The following RARB variants were observed in gnomAD, a reference collection of about 807,000 sequenced individuals.
RARB encodes the protein retinoic acid receptor beta, also known as HBV-activated protein.
RARB carries 17 observed loss-of-function variants against 51.9 expected under a neutral mutation model. That is an observed-to-expected ratio of 0.33 (90% CI 0.22 to 0.49). The LOEUF is 0.49. Among genes scored for constraint, RARB ranks in the 20% least tolerant of loss-of-function variants. RARB has a pLI of 0.99. For missense variants in RARB, 369 were observed against 550.8 expected (o/e 0.67, Z 3.30); for synonymous variants, 215 against 195.4 (o/e 1.10, Z -0.84).
chr3:24,900,309 T>C (rs1015182915), intron 2 of RARB, among the ~76,000 whole-genome samples: 2 of 152,220 alleles, frequency 1.3e-5, no homozygotes, highest in Non-Finnish European at 2.9e-5. Context: ...GGATAAACTA[T>C]TACAGTTTGT....
At position 24,956,575 on chromosome 3, in the gene RARB, C is replaced by T. The variant is rs541032295; in HGVS notation, c.-380+97823C>T. Among the ~76,000 whole-genome samples, 9 of 152,208 alleles carry T rather than the reference C, an allele frequency of 5.9e-5. No individual in the cohort carries two copies. The East Asian group carries it at 1.2e-3, about 20-fold the overall frequency. ...AAGCTGTGTGTCTCTTGTTATAATC[C>T]CAGACACATTTGTGGCTTGAAACTG... is the stretch of plus-strand genomic sequence containing the variant. On this transcript the variant is annotated intron_variant, in intron 2 of 11. Coordinates refer to the RARB transcript ENST00000383772.
intron 5 of RARB, among the ~76,000 whole-genome samples, chr3:25,402,900 C>T (rs1707303355): frequency 1.3e-5 from 2 of 152,114 alleles, no homozygotes; most frequent in Admixed American, 1.3e-4. Context: ...CGTGGTGGCT[C>T]ACGCCTGTAA....
At chr3:24,953,309 GA>G (rs902185242) in intron 2 of RARB, among the ~76,000 whole-genome samples, 2 of 151,534 alleles carry the variant, frequency 1.3e-5, no homozygotes, top group African/African-American at 4.8e-5. Context: ...AAGGAGATCA[GA>G]AAAAAAAGAA....
At chr3:25,239,057 G>C (rs1441817315) in intron 5 of RARB, among the ~76,000 whole-genome samples, 2 of 152,176 alleles carry the variant, frequency 1.3e-5, no homozygotes, top group African/African-American at 4.8e-5. Context: ...CTGATGATTA[G>C]TGATGTTGAA....
At chr3:25,378,729 T>C (rs1397478794) in intron 5 of RARB, among the ~76,000 whole-genome samples, 2 of 152,188 alleles carry the variant, frequency 1.3e-5, no homozygotes, top group Non-Finnish European at 2.9e-5. Context: ...GGAAAACACA[T>C]ATAAAGCTGA....
intron 2 of RARB, among the ~76,000 whole-genome samples, chr3:24,985,374 A>T (rs1696766669): frequency 6.8e-6 from 1 of 147,802 alleles, no homozygotes; most frequent in Non-Finnish European, 1.5e-5. Flanking sequence ...TGACAAGAAC[A>T]TTTCCCAGCT....
intron 5 of RARB, among the ~76,000 whole-genome samples, chr3:25,205,228 C>G (rs896342315): frequency 6.6e-6 from 1 of 152,168 alleles, no homozygotes; most frequent in Admixed American, 6.5e-5. Context: ...CTGAGCCAGG[C>G]GCGGGATATA....
chr3:25,070,969 T>C (rs1698755653), intron 3 of RARB, among the ~76,000 whole-genome samples: 1 of 152,224 alleles, frequency 6.6e-6, no homozygotes, highest in Non-Finnish European at 1.5e-5. Flanking sequence ...AGCTCTTGCC[T>C]TGCCCTGGGA....
chr3:25,131,362 T>G (rs1309658691), intron 3 of RARB, among the ~76,000 whole-genome samples: 1 of 152,092 alleles, frequency 6.6e-6, no homozygotes, highest in Non-Finnish European at 1.5e-5. Context: ...TTTGCAGATA[T>G]CGCACTAGAA....
At chr3:25,447,886 T>C (rs1472539980) in intron 1 of RARB, among the ~76,000 whole-genome samples, 1 of 151,742 alleles carries the variant, frequency 6.6e-6, no homozygotes, top group East Asian at 1.9e-4. Context: ...GGTCACCAAA[T>C]CAAGATGGGG....
chr3:25,485,039 C>T (rs369658194), intron 2 of RARB, among the ~76,000 whole-genome samples: 3 of 152,192 alleles, frequency 2.0e-5, no homozygotes, highest in African/African-American at 4.8e-5. Flanking sequence ...CACACACACA[C>T]GATACACTCA....
Position 25,037,764 on chromosome 3 carries a change from T to TA in RARB, c.-379-22360dup, listed in dbSNP as rs1698026780. On this transcript the variant is annotated intron_variant, in intron 2 of 11. Coordinates refer to the RARB transcript ENST00000383772. ...ATAGTGAAGTTGAGAGCAAATTCCC[T>TA]ACACATTGTTTAATCACCACTGTGA... Among the ~76,000 whole-genome samples, 5 of 152,258 alleles carry TA rather than the reference T, an allele frequency of 3.3e-5. No individual in the cohort carries two copies. In the South Asian group the frequency reaches 1.0e-3, roughly 32 times the overall value.
chr3:25,196,230 C>T (rs906291158), intron 5 of RARB, among the ~76,000 whole-genome samples: 14 of 152,094 alleles, frequency 9.2e-5, no homozygotes, highest in African/African-American at 3.1e-4. Context: ...ATCCCCTCAC[C>T]CCACAACAGG....
At chr3:25,297,211 A>ATCC (rs1194884642) in intron 5 of RARB, among the ~76,000 whole-genome samples, 1 of 152,166 alleles carries the variant, frequency 6.6e-6, no homozygotes, top group African/African-American at 2.4e-5. Flanking sequence ...ATATTCTCAA[A>ATCC]TGGTTAACAA....
intron 1 of RARB, among the ~76,000 whole-genome samples, chr3:24,846,843 C>T (rs560044964): frequency 6.7e-6 from 1 of 150,078 alleles, no homozygotes; most frequent in South Asian, 2.1e-4. Context: ...TGGCAATGAA[C>T]TTCCACCTAT....
intron 5 of RARB, among the ~76,000 whole-genome samples, chr3:25,365,977 A>G (rs1399564966): frequency 7.2e-5 from 11 of 152,226 alleles, no homozygotes; most frequent in Non-Finnish European, 1.5e-4. Context: ...AAGTCTGTCA[A>G]TAGTGTAACC....
At chr3:25,122,552 G>C (rs2125329797) in intron 3 of RARB, among the ~76,000 whole-genome samples, 1 of 152,242 alleles carries the variant, frequency 6.6e-6, no homozygotes, top group East Asian at 1.9e-4. Flanking sequence ...TCCATGCTCA[G>C]ACTTACGGCA....
At chr3:25,004,510 C>G (rs1226108784) in intron 2 of RARB, among the ~76,000 whole-genome samples, 1 of 152,060 alleles carries the variant, frequency 6.6e-6, no homozygotes, top group East Asian at 1.9e-4. Flanking sequence ...TATGATGAAG[C>G]CATGATAACA....
intron 5 of RARB, among the ~76,000 whole-genome samples, chr3:25,263,529 T>G (rs1703055540): frequency 6.6e-6 from 1 of 152,192 alleles, no homozygotes; most frequent in East Asian, 1.9e-4. Flanking sequence ...TTTAGCCTCA[T>G]GGGTTTAAGA....
Sources: allele counts gnomAD v4.1 joint callset (sites outside exome capture counted in the v4.1 genomes callset), GRCh38; gene constraint gnomAD v4.1.1; transcripts MANE v1.5; gene names NCBI Gene and HGNC (gene_info 2026-07-23, HGNC 2026-07-21).